The following MIGA2 variants were observed in gnomAD, a reference collection of about 807,000 sequenced individuals.
MIGA2 encodes mitoguardin 2, also known as family with sequence similarity 73, member B.
Under a neutral mutation model 69.9 loss-of-function variants are expected in MIGA2, and 36 were observed. The observed-to-expected ratio is 0.52, with a 90% CI of 0.39 to 0.68. The LOEUF (loss-of-function observed/expected upper bound fraction) is 0.68. Among genes scored for constraint, MIGA2 ranks in the 30% least tolerant of loss-of-function variants. The probability of loss-of-function intolerance (pLI) is 0.00; values close to 1 mark genes in which losing one functional copy is unlikely to be tolerated. For missense variants in MIGA2, 660 were observed against 787.7 expected, an observed-to-expected ratio of 0.84 and a Z score of 1.94; for synonymous variants, 333 against 349.2, an observed-to-expected ratio of 0.95 and a Z score of 0.52.
rs1444852281 is a variant in MIGA2 at position 129,068,558 on chromosome 9, C to T, written c.1404+226C>T. On this transcript the variant is annotated intron_variant, in intron 13 of 15. Coordinates refer to ENST00000684074, the MANE Select transcript of MIGA2 (RefSeq NM_001329990.2). This position sits in a 1 kb window ranked among gnomAD's most constrained non-coding sequence, Gnocchi z 4.1. ...GAACCAACATGGTGTGCGCTTTCTT[C>T]CTATTGTGTGGTTTTACTTTTGTGC... The T allele has an allele frequency of 2.3e-5, 13 of 556,548 alleles. No individual in the cohort carries two copies. The highest frequency in any genetic ancestry group is 4.1e-5 in the Non-Finnish European group (13 of 314,114). The allele number at this position is 556,548 out of a possible 1,614,324, so 34.5% of individuals were successfully genotyped here. A position where few individuals can be genotyped will look rare whatever the true frequency, so the allele number is the denominator to read the frequency against.
chr9:129,070,185 C>A (rs1846595663), intron 15 of MIGA2, 62 bp from the exon 16 acceptor site: 3 of 1,573,170 alleles, frequency 1.9e-6, no homozygotes. Context: ...CTTCAGGTAA[C>A]CTGGGGGGCA....
At chr9:129,047,961 T>C (rs774772108) in intron 3 of MIGA2, among the ~76,000 whole-genome samples, 23 of 151,796 alleles carry the variant, frequency 1.5e-4, no homozygotes, top group Non-Finnish European at 2.9e-4. Flanking sequence ...ACTCCTGGGC[T>C]CAAGCAGTCC....
chr9:129,053,436 T>G (rs2131366103), intron 6 of MIGA2, among the ~76,000 whole-genome samples: 1 of 150,794 alleles, frequency 6.6e-6, no homozygotes, highest in East Asian at 2.0e-4. Flanking sequence ...CAATCTTGGC[T>G]CACTGCAACT....
intron 1 of MIGA2, among the ~76,000 whole-genome samples, chr9:129,039,451 T>C (rs956604109): frequency 3.3e-5 from 5 of 152,054 alleles, no homozygotes; most frequent in Non-Finnish European, 7.4e-5. Flanking sequence ...TTCACTGTGT[T>C]AGCCAGGATG....
At chr9:129,049,632 C>A in intron 5 of MIGA2, 134 bp downstream of exon 5, 5 of 1,245,626 alleles carry the variant, frequency 4.0e-6, no homozygotes, top group Admixed American at 2.1e-5. Context: ...TGATTTCCAG[C>A]CATTTCTGAA....
At chr9:129,063,406 C>T in intron 10 of MIGA2, 90 bp downstream of exon 10, 2 of 1,564,016 alleles carry the variant, frequency 1.3e-6, no homozygotes, top group Non-Finnish European at 1.7e-6. Context: ...GCCTCCTGGT[C>T]CCTGGCCAGG....
At chr9:129,058,823 C>T (rs1845923345) in intron 6 of MIGA2, among the ~76,000 whole-genome samples, 1 of 152,156 alleles carries the variant, frequency 6.6e-6, no homozygotes, top group Admixed American at 6.6e-5. Context: ...TTTCAAGGGT[C>T]AGCTGTACTT....
rs367964489 is a variant in MIGA2 at position 129,043,050 on chromosome 9, C to T, written c.307+536C>T. On this transcript the variant is annotated intron_variant, in intron 3 of 15. Transcript: ENST00000684074. ...TCTACTAAAAATACAAAAAATTAGC[C>T]GGGCATGGTGACGGGCACCTGTAAT... Among the ~76,000 whole-genome samples the T allele has an allele frequency of 8.5e-5, 13 of 152,092 alleles. No individual in the cohort carries two copies. In the East Asian group the frequency reaches 2.0e-3, roughly 23 times the overall value.
At position 129,070,313 on chromosome 9, in the gene MIGA2, G is replaced by A. The variant is rs756494538; in HGVS notation, c.1642G>A (p.Ala548Thr). Residue 548 changes from alanine to threonine, a missense_variant, in exon 16 of 16, where the codon GCG (alanine) becomes ACG (threonine). This residue lies in a region of MIGA2 where 220 missense variants were observed against 301.7 expected (regional missense o/e 0.73). Coordinates refer to ENST00000684074, the MANE Select transcript of MIGA2 (RefSeq NM_001329990.2). ...LDNVRYTSLP[A>T]LADDILQLSR... ...CAATGTGCGCTACACGTCACTGCCCGCGCTGGCAGACGACATCCTGCAGCT... is the reference window on the plus strand; with the variant it reads ...CAATGTGCGCTACACGTCACTGCCCACGCTGGCAGACGACATCCTGCAGCT... The A allele has an allele frequency of 1.9e-5, 30 of 1,613,054 alleles. No individual in the cohort carries two copies. Among genetic ancestry groups the A allele is most frequent in the Non-Finnish European group, 2.2e-5 (26 of 1,180,004 alleles).
At position 129,067,847 on chromosome 9, in the gene MIGA2, A is replaced by C. The variant is rs1473727199; in HGVS notation, c.1245A>C (p.Thr415=). 1 of 1,612,760 alleles carries C rather than the reference A, an allele frequency of 6.2e-7. No homozygotes were observed. The highest frequency in any genetic ancestry group is 1.7e-5 in the Admixed American group (1 of 59,924). Residue 415 remains threonine (T), a synonymous_variant, in exon 12 of 16, where the codon ACA becomes ACC. Coordinates refer to ENST00000684074, the MANE Select transcript of MIGA2 (RefSeq NM_001329990.2). ...YALRPETWAT[T]RLELEGRGVV... Reference sequence around the variant, plus strand: ...TGCGGCCCGAGACCTGGGCCACAACACGGCTGGAGCTGGAGGGCCGAGGGG... The same window carrying C: ...TGCGGCCCGAGACCTGGGCCACAACCCGGCTGGAGCTGGAGGGCCGAGGGG...
chr9:129,042,514 G>T lies in MIGA2; in HGVS notation c.307G>T (p.Gly103Ter). The change falls in exon 3 of 16, where the codon GGA (glycine) becomes TGA (stop). Residue 103 changes from glycine (G) to a stop codon, truncating the protein, a stop_gained and splice_region_variant. Coordinates refer to ENST00000684074, the MANE Select transcript of MIGA2 (RefSeq NM_001329990.2). LOFTEE classifies it high-confidence loss of function. Reference protein sequence around the residue: ...LARKVPSVKKGYSSRRVQSPS... With the variant: ...LARKVPSVKK ...CAGGAAGGTCCCTTCAGTGAAGAAA[G>T]GTAGGTGTGAGGTGGTGGGCATAGG... is the stretch of plus-strand genomic sequence containing the variant. 6.4e-7 allele frequency: 1 copy of T among 1,557,918 alleles called. No homozygotes were observed. The highest frequency in any genetic ancestry group is 1.2e-5 in the South Asian group (1 of 85,420).
In MIGA2 at chr9:129,070,744, C is replaced by G. The variant is rs1011045928; in HGVS notation, c.*291C>G. 1 of 461,330 alleles carries G rather than the reference C, an allele frequency of 2.2e-6. No individual in the cohort carries two copies. Among genetic ancestry groups the G allele is most frequent in the African/African-American group, 1.9e-5 (1 of 51,646 alleles). 28.6% of individuals were successfully genotyped at this position (461,330 alleles called of 1,614,324 possible). ...TGCCCCAGGTGGGGGACCCCAAAACCTCCCATCGCTCCAGGGCTGCTGACA... is the reference window on the plus strand; with the variant it reads ...TGCCCCAGGTGGGGGACCCCAAAACGTCCCATCGCTCCAGGGCTGCTGACA... On this transcript the variant is annotated 3_prime_UTR_variant, in exon 16 of 16. Transcript: ENST00000684074.
In MIGA2 at chr9:129,069,753, C is replaced by T. The variant is rs1406471479; in HGVS notation, c.1459-96C>T. 3.3e-5 allele frequency: 28 copies of T among 839,020 alleles called. No individual in the cohort carries two copies. In the East Asian group the frequency reaches 5.3e-4, roughly 16 times the overall value. 52.0% of individuals were successfully genotyped at this position (839,020 alleles called of 1,614,324 possible). On this transcript the variant is annotated intron_variant, in intron 14 of 15. Transcript: ENST00000684074. This position sits in a 1 kb window ranked among gnomAD's most constrained non-coding sequence, Gnocchi z 4.9. ...TAGCAGGAAAGTACATGAGCTGGGGCGACCTCTAAAGCCCAGCCCTTTATG... is the reference window on the plus strand; with the variant it reads ...TAGCAGGAAAGTACATGAGCTGGGGTGACCTCTAAAGCCCAGCCCTTTATG...
chr9:129,060,207 A>G lies in MIGA2; in HGVS notation c.794-343A>G, dbSNP rs1425357926. Among the ~76,000 whole-genome samples, 1 of 152,092 alleles carries G rather than the reference A, an allele frequency of 6.6e-6. No individual in the cohort carries two copies. The stretch of plus-strand genomic sequence containing the variant: ...AGAGAGGCGATTTCCCCGGGGCCAC[A>G]CAGTTCAAGGTCCTCCCCCTGCAGA... On this transcript the variant is annotated intron_variant, in intron 7 of 15. Coordinates refer to ENST00000684074, the MANE Select transcript of MIGA2 (RefSeq NM_001329990.2). This position sits in a 1 kb window ranked among gnomAD's most constrained non-coding sequence, Gnocchi z 4.8.
chr9:129,046,268 C>T (rs1466368772), intron 3 of MIGA2, among the ~76,000 whole-genome samples: 1 of 152,128 alleles, frequency 6.6e-6, no homozygotes, highest in Non-Finnish European at 1.5e-5. Flanking sequence ...CAGCGTTTAG[C>T]TTCTGTGCCC....
Position 129,060,113 on chromosome 9 carries a change from C to T in MIGA2, c.794-437C>T, listed in dbSNP as rs1163463169. On this transcript the variant is annotated intron_variant, in intron 7 of 15. Transcript: ENST00000684074. The surrounding 1 kb of genome is among the most constrained non-coding windows in gnomAD (Gnocchi z 4.8). ...GCCCTTGGGCGAGCACGGAGGGGAA[C>T]TCCAGGTTAGTGGCTGTGGACTCTT... Among the ~76,000 whole-genome samples, 1 of 152,226 alleles carries T rather than the reference C, an allele frequency of 6.6e-6. No individual in the cohort carries two copies. The highest frequency in any genetic ancestry group is 2.4e-5 in the African/African-American group (1 of 41,470).
At chr9:129,064,923 C>T (rs1377504181) in intron 11 of MIGA2, among the ~76,000 whole-genome samples, 1 of 151,904 alleles carries the variant, frequency 6.6e-6, no homozygotes, top group Non-Finnish European at 1.5e-5. Flanking sequence ...GCTGGGATTA[C>T]AGGCATGTGT....
rs1846611716 is a variant in MIGA2, at chr9:129,070,372, C to T, written c.1701C>T (p.Tyr567=). ...SRRRSEILLG[Y]LGVPAASSAG... ...GCCGCAGCGAGATATTGCTGGGGTA[C>T]CTGGGGGTGCCCGCGGCCAGCAGCG... Residue 567 remains tyrosine (Y), a synonymous_variant, in exon 16 of 16, where the codon TAC becomes TAT. Transcript: ENST00000684074. The T allele has an allele frequency of 1.2e-6, 2 of 1,612,652 alleles. No homozygotes were observed. Among genetic ancestry groups the T allele is most frequent in the South Asian group, 2.2e-5 (2 of 91,052 alleles).
chr9:129,067,972 GA>G (rs764205127), intron 12 of MIGA2, 101 bp downstream of exon 12: 1 of 1,397,498 alleles, frequency 7.2e-7, no homozygotes, highest in Non-Finnish European at 9.9e-7. Context: ...AAGCGGCTGA[GA>G]CGGTTCCATC....
Sources: gnomAD v4.1 joint callset for allele counts (sites outside exome capture counted in the v4.1 genomes callset) on GRCh38, gnomAD v4.1.1 for gene constraint, gnomAD v4.1.1 regional missense constraint, Gnocchi (gnomAD v3.1) non-coding constraint, MANE v1.5 for transcripts, NCBI Gene and HGNC (gene_info 2026-07-23, HGNC 2026-07-21) for gene names.